The following MPPED2 variants were observed in gnomAD, a reference collection of about 807,000 sequenced individuals.
The protein encoded by MPPED2 is metallophosphoesterase MPPED2.
In MPPED2, 5 loss-of-function variants were observed where a neutral mutation model predicts 33.0. The ratio of observed to expected loss-of-function variants is 0.15; its 90% CI spans 0.08 to 0.32. The LOEUF is 0.32. Ranked by LOEUF, MPPED2 falls within the 10% of genes least tolerant of loss-of-function variation. The pLI, the probability that MPPED2 is intolerant of heterozygous loss-of-function variation, is 1.00. For missense variants in MPPED2, 275 were observed against 372.1 expected (o/e 0.74, Z 2.15); for synonymous variants, 136 against 141.9 (o/e 0.96, Z 0.29).
chr11:30,414,406 T>C, intron 5 of MPPED2, 65 bp from the exon 6 acceptor site: 2 of 1,033,284 alleles, frequency 1.9e-6, no homozygotes, highest in Non-Finnish European at 3.1e-6. Context: ...ATTTAGACTT[T>C]CAGGAAGCCA....
At chr11:30,438,813 A>G (rs1364145713) in intron 4 of MPPED2, among the ~76,000 whole-genome samples, 3 of 152,264 alleles carry the variant, frequency 2.0e-5, no homozygotes, top group African/African-American at 7.2e-5. Flanking sequence ...ATCTCAGAGC[A>G]CAGCAGACTT....
intron 2 of MPPED2, among the ~76,000 whole-genome samples, chr11:30,561,169 G>C (rs992755473): frequency 2.6e-5 from 4 of 151,954 alleles, no homozygotes; most frequent in African/African-American, 9.7e-5. Context: ...TTTCAATATG[G>C]ACTGCATAGA....
At position 30,556,939 on chromosome 11, in the gene MPPED2, C is replaced by A. The variant is rs149888984; in HGVS notation, c.129-20764G>T. 3.6e-3 allele frequency among the ~76,000 whole-genome samples: 544 copies of A among 151,650 alleles called. 1 individual carries two copies. Among genetic ancestry groups the A allele is most frequent in the African/African-American group, 0.011 (437 of 41,250 alleles). On this transcript the variant is annotated intron_variant, in intron 2 of 6. Transcript: ENST00000358117. The stretch of plus-strand genomic sequence containing the variant: ...GGGATTCCCCAAAAGCAGTGTTGAA[C>A]CAAGTTAGGGCAATAAGATGAGGAA...
intron 4 of MPPED2, among the ~76,000 whole-genome samples, chr11:30,491,325 G>C (rs1297140101): frequency 1.3e-5 from 2 of 152,200 alleles, no homozygotes; most frequent in African/African-American, 4.8e-5. Flanking sequence ...AGAGAAACAA[G>C]GGCAGACCTC....
chr11:30,519,998 T>C (rs1340709463), intron 3 of MPPED2, among the ~76,000 whole-genome samples: 2 of 152,216 alleles, frequency 1.3e-5, no homozygotes, highest in South Asian at 2.1e-4. Context: ...GTATATTTTA[T>C]AGTTAGATGT....
chr11:30,493,258 C>G (rs576806639), intron 4 of MPPED2, among the ~76,000 whole-genome samples: 1 of 151,734 alleles, frequency 6.6e-6, no homozygotes, highest in East Asian at 1.9e-4. Context: ...GTAGTCCCAG[C>G]TACTCGGGAG....
chr11:30,492,991 C>T (rs1297319836), intron 4 of MPPED2, among the ~76,000 whole-genome samples: 1 of 152,108 alleles, frequency 6.6e-6, no homozygotes, highest in Admixed American at 6.5e-5. Flanking sequence ...TAGGACAATG[C>T]CTGGCATATA....
At chr11:30,526,538 C>A (rs1035771105) in intron 3 of MPPED2, among the ~76,000 whole-genome samples, 1 of 152,106 alleles carries the variant, frequency 6.6e-6, no homozygotes, top group African/African-American at 2.4e-5. Flanking sequence ...CAGTAAGAAT[C>A]AGAGATCTTG....
intron 6 of MPPED2, among the ~76,000 whole-genome samples, chr11:30,401,834 G>A (rs10767840): frequency 0.078 from 11,497 of 147,036 alleles, 1,251 homozygotes; most frequent in African/African-American, 0.23. Flanking sequence ...ACAGGCACCC[G>A]CTACCATGGC....
At chr11:30,585,348 G>C (rs1370023184) in intron 1 of MPPED2, among the ~76,000 whole-genome samples, 1 of 151,964 alleles carries the variant, frequency 6.6e-6, no homozygotes, top group Non-Finnish European at 1.5e-5. Flanking sequence ...GCGCGGGGAC[G>C]GGGTGAGAAA....
chr11:30,478,427 C>A (rs548157252), intron 4 of MPPED2, among the ~76,000 whole-genome samples: 2 of 151,470 alleles, frequency 1.3e-5, no homozygotes, highest in Non-Finnish European at 1.5e-5. Flanking sequence ...AGATAAGAAA[C>A]GAGAAAGCAC....
chr11:30,489,625 T>C (rs1951885288), intron 4 of MPPED2, among the ~76,000 whole-genome samples: 1 of 152,248 alleles, frequency 6.6e-6, no homozygotes, highest in South Asian at 2.1e-4. Flanking sequence ...GTTAAGGCAC[T>C]TCCTCCACAG....
chr11:30,532,371 T>G (rs193190486), intron 3 of MPPED2, among the ~76,000 whole-genome samples: 4 of 152,338 alleles, frequency 2.6e-5, no homozygotes, highest in African/African-American at 9.6e-5. Context: ...GTCACTGTTA[T>G]AAGGGAGGCT....
chr11:30,423,897 C>T (rs1212183791), intron 4 of MPPED2, among the ~76,000 whole-genome samples: 11 of 152,134 alleles, frequency 7.2e-5, no homozygotes, highest in Admixed American at 7.2e-4. Flanking sequence ...CCTCCTGCTC[C>T]AGACTTTTGA....
rs559985331 is a variant in MPPED2, at chr11:30,472,655, C to T, written c.536+22641G>A. Among the ~76,000 whole-genome samples, 4 of 152,312 alleles carry T rather than the reference C, an allele frequency of 2.6e-5. 1 individual carries two copies. The South Asian group carries it at 8.3e-4, about 32-fold the overall frequency. ...AAAGCATCATGCTAAGTGAAATAAG[C>T]TGGTCACAAAAGGACAAATGTGTAA... On this transcript the variant is annotated intron_variant, in intron 4 of 6. Coordinates refer to ENST00000358117, the MANE Select transcript of MPPED2 (RefSeq NM_001584.3).
intron 3 of MPPED2, among the ~76,000 whole-genome samples, chr11:30,531,090 T>C (rs1276624271): frequency 6.6e-6 from 1 of 152,180 alleles, no homozygotes; most frequent in East Asian, 1.9e-4. Context: ...GGGTCCCAGT[T>C]CAACTCACCA....
chr11:30,446,910 T>G (rs567787555), intron 4 of MPPED2, among the ~76,000 whole-genome samples: 9 of 152,324 alleles, frequency 5.9e-5, no homozygotes, highest in Admixed American at 5.9e-4. Flanking sequence ...TTAACTCAAG[T>G]GCTCTTTTGT....
At chr11:30,488,979 C>A (rs1366350866) in intron 4 of MPPED2, among the ~76,000 whole-genome samples, 1 of 151,872 alleles carries the variant, frequency 6.6e-6, no homozygotes, top group Non-Finnish European at 1.5e-5. Context: ...TAGTCTCATT[C>A]TTTAGTGCCA....
chr11:30,429,524 A>G (rs1463275133), intron 4 of MPPED2, among the ~76,000 whole-genome samples: 2 of 152,196 alleles, frequency 1.3e-5, no homozygotes, highest in Non-Finnish European at 1.5e-5. Context: ...TTCAATTCAG[A>G]GGTTAAAGCA....
Sources: allele counts gnomAD v4.1 joint callset (sites outside exome capture counted in the v4.1 genomes callset), GRCh38; gene constraint gnomAD v4.1.1; transcripts MANE v1.5; gene names NCBI Gene and HGNC (gene_info 2026-07-23, HGNC 2026-07-21).